Variants in DLEC1 observed in about 807,000 individuals in gnomAD.
DLEC1 encodes the protein DLEC1 cilia and flagella associated protein, also known as deleted in lung and esophageal cancer protein 1.
Under a neutral mutation model 198.1 loss-of-function variants are expected in DLEC1, and 146 were observed. The ratio of observed to expected loss-of-function variants is 0.74; its 90% confidence interval spans 0.64 to 0.85. The LOEUF is 0.85. DLEC1 is among the 40% of genes least tolerant of loss of function. DLEC1 has a pLI of 0.00. For synonymous variants in DLEC1, 897 were observed against 866.8 expected (o/e 1.03, Z -0.61); for missense variants, 2,233 against 2,220.0 (o/e 1.01, Z -0.12).
chr3:38,116,745 G>T, intron 28 of DLEC1, 28 bp from the exon 29 acceptor site: 1 of 1,608,590 alleles, frequency 6.2e-7, no homozygotes, highest in Non-Finnish European at 8.5e-7. Context: ...CAGTGACTGC[G>T]TGAACCTCAG....
At chr3:38,119,166 A>ATAATTAATGG (rs1293386101) in intron 33 of DLEC1, among the ~76,000 whole-genome samples, 1 of 152,192 alleles carries the variant, frequency 6.6e-6, no homozygotes, top group Non-Finnish European at 1.5e-5. Flanking sequence ...AGGACATCAC[A>ATAATTAATGG]TAATTAATGG....
In DLEC1 at chr3:38,100,328, T is replaced by G. The variant is rs1459901251; in HGVS notation, c.2767T>G (p.Ser923Ala). Residue 923 changes from serine (S) to alanine (A), a missense_variant, in exon 19 of 37, where the codon TCT becomes GCT. Coordinates refer to ENST00000308059, the MANE Select transcript of DLEC1 (RefSeq NM_007335.4). ...TGAGCCTTCGAGTGGCCAGCTTCAC[T>G]CTCTGGGGGAGTGCAGGGTGGACAT... Reference protein sequence around the residue: ...DIEPSSGQLHSLGECRVDITL... With the variant: ...DIEPSSGQLHALGECRVDITL... 1 of 1,613,410 alleles carries G rather than the reference T, an allele frequency of 6.2e-7. No individual in the cohort carries two copies. The highest frequency in any genetic ancestry group is 1.3e-5 in the African/African-American group (1 of 74,846).
rs1228234694 is a variant in DLEC1 at position 38,093,717 on chromosome 3, T to A, written c.1869T>A (p.Pro623=). The stretch of plus-strand genomic sequence containing the variant: ...CCCAGCACTTCATACGATTTGAGCC[T>A]GAAAACCTTCGGTCCACGGCTAGGA... The part of the protein sequence containing the change: ...LTAQHFIRFE[P]ENLRSTARKQ... Residue 623 remains proline (P), a synonymous_variant, in exon 12 of 37, where the codon CCT becomes CCA. Transcript: ENST00000308059. 2 of 1,614,252 alleles carry A rather than the reference T, an allele frequency of 1.2e-6. No homozygotes were observed. Among genetic ancestry groups the A allele is most frequent in the South Asian group, 2.2e-5 (2 of 91,088 alleles).
At position 38,116,888 on chromosome 3, in the gene DLEC1, T is replaced by G; in HGVS notation, c.4178T>G (p.Val1393Gly). ...GHLYCISPKQ[V>G]VVPAGGSSTI... ...CTGTACTGTATCAGCCCCAAGCAGGTGGTGAGTTGGGGTATGGGCTGGGAG... is the reference window on the plus strand; with the variant it reads ...CTGTACTGTATCAGCCCCAAGCAGGGGGTGAGTTGGGGTATGGGCTGGGAG... The change falls in exon 29 of 37, where the codon GTG becomes GGG. Residue 1393 changes from valine to glycine, a missense_variant and splice_region_variant. Physicochemically the swap from Val to Gly is moderately radical, Grantham distance 109 (BLOSUM62 -3). Coordinates refer to ENST00000308059, the MANE Select transcript of DLEC1 (RefSeq NM_007335.4). 1 of 1,612,702 alleles carries G rather than the reference T, an allele frequency of 6.2e-7. No homozygotes were observed.
chr3:38,117,123 G>C, intron 30 of DLEC1, 23 bp downstream of exon 30: 1 of 1,613,868 alleles, frequency 6.2e-7, no homozygotes. Context: ...GGCCTGGGGT[G>C]GGGGCCGCAG....
intron 22 of DLEC1, chr3:38,109,823 G>A (rs950614497): frequency 4.4e-5 from 31 of 708,174 alleles, no homozygotes; most frequent in Non-Finnish European, 5.9e-5. Flanking sequence ...GGACAGGGCT[G>A]TAGGTACCCT....
intron 33 of DLEC1, among the ~76,000 whole-genome samples, chr3:38,120,043 G>A (rs1202006824): frequency 6.6e-6 from 1 of 152,156 alleles, no homozygotes; most frequent in African/African-American, 2.4e-5. Flanking sequence ...CCCCTGGTCT[G>A]GCATCATCAC....
Position 38,094,961 on chromosome 3 carries a change from A to G in DLEC1, c.2002A>G (p.Ser668Gly), listed in dbSNP as rs532501700. 3 of 1,614,244 alleles carry G rather than the reference A, an allele frequency of 1.9e-6. No individual in the cohort carries two copies. The highest frequency in any genetic ancestry group is 2.7e-5 in the African/African-American group (2 of 75,068). Residue 668 changes from serine (S) to glycine (G), a missense_variant, in exon 13 of 37, where the codon AGC becomes GGC. Coordinates refer to ENST00000308059, the MANE Select transcript of DLEC1 (RefSeq NM_007335.4). ...LMPGETFSMDSIKCYPDKETA... is the reference protein window; with the variant it reads ...LMPGETFSMDGIKCYPDKETA... The stretch of plus-strand genomic sequence containing the variant: ...GCCTGGAGAAACCTTCAGCATGGAC[A>G]GCATCAAGTGCTACCCCGACAAGGA...
At chr3:38,115,853 A>G (rs748705445) in intron 27 of DLEC1, among the ~76,000 whole-genome samples, 1 of 151,980 alleles carries the variant, frequency 6.6e-6, no homozygotes. Context: ...AGAGAGAGCA[A>G]TGGGGAGCCC....
Position 38,117,798 on chromosome 3 carries a change from C to T in DLEC1, c.4486-8C>T, listed in dbSNP as rs764801502. 6.2e-7 allele frequency: 1 copy of T among 1,611,138 alleles called. No individual in the cohort carries two copies. The highest frequency in any genetic ancestry group is 8.5e-7 in the Non-Finnish European group (1 of 1,178,588). ...CATTCCCTGCCTCCTACCTCTGTGGCTGCCCAGGTGCTGAGTGAGCTGGTG... is the reference window on the plus strand; with the variant it reads ...CATTCCCTGCCTCCTACCTCTGTGGTTGCCCAGGTGCTGAGTGAGCTGGTG... On this transcript the variant is annotated splice_polypyrimidine_tract_variant and splice_region_variant and intron_variant, in intron 32 of 36. Coordinates refer to ENST00000308059, the MANE Select transcript of DLEC1 (RefSeq NM_007335.4).
intron 6 of DLEC1, among the ~76,000 whole-genome samples, chr3:38,081,363 A>T (rs1427915395): frequency 1.5e-5 from 2 of 133,322 alleles, no homozygotes; most frequent in African/African-American, 5.8e-5. Context: ...GGCCGGGCAG[A>T]GGGGCTCCTC....
chr3:38,057,904 C>T (rs1357771948), intron 2 of DLEC1, among the ~76,000 whole-genome samples: 1 of 151,634 alleles, frequency 6.6e-6, no homozygotes, highest in African/African-American at 2.4e-5. Flanking sequence ...GCAAACTCCA[C>T]CTCCTGGGTT....
chr3:38,081,055 A>G (rs1373416841), intron 6 of DLEC1, among the ~76,000 whole-genome samples: 3 of 135,494 alleles, frequency 2.2e-5, no homozygotes, highest in Non-Finnish European at 4.7e-5. Flanking sequence ...TGTTTAACAA[A>G]GCACATCTTG....
At chr3:38,121,601 T>G in intron 34 of DLEC1, 27 bp from the exon 35 acceptor site, 1 of 1,606,404 alleles carries the variant, frequency 6.2e-7, no homozygotes, top group Non-Finnish European at 8.5e-7. Flanking sequence ...CCACCCAGAA[T>G]GGACAAGGTT....
At chr3:38,082,229 A>G (rs1288772863) in intron 6 of DLEC1, among the ~76,000 whole-genome samples, 1 of 132,894 alleles carries the variant, frequency 7.5e-6, no homozygotes, top group East Asian at 2.4e-4. Flanking sequence ...CTCACTTCCT[A>G]GATGTGATGG....
intron 33 of DLEC1, 72 bp downstream of exon 33, chr3:38,118,096 GCCA>G: frequency 6.7e-7 from 1 of 1,496,868 alleles, no homozygotes; most frequent in South Asian, 1.3e-5. Context: ...ACCCCTGCAC[GCCA>G]CCCTCAGGTG....
Position 38,112,361 on chromosome 3 carries a change from G to A in DLEC1, c.3666G>A (p.Thr1222=), listed in dbSNP as rs148340688. 2.3e-5 allele frequency: 37 copies of A among 1,614,052 alleles called. No individual in the cohort carries two copies. The highest frequency in any genetic ancestry group is 3.1e-5 in the Non-Finnish European group (36 of 1,179,980). ...WGEYWDNLIC[T]VGDLLPEVIP... ...AGTACTGGGACAACCTCATCTGCAC[G>A]GTAAGGGTACACAAGAGGGCAGTGG... Residue 1222 remains threonine (T), a splice_region_variant and synonymous_variant, in exon 25 of 37, where the codon ACG becomes ACA. Transcript: ENST00000308059. The surrounding 1 kb of genome is among the most constrained non-coding windows in gnomAD (Gnocchi z 4.8).
At chr3:38,041,948 G>A (rs556704867) in intron 1 of DLEC1, among the ~76,000 whole-genome samples, 1 of 151,128 alleles carries the variant, frequency 6.6e-6, no homozygotes, top group African/African-American at 2.4e-5. Flanking sequence ...TTGTTAAAAA[G>A]AATGAATTAT....
intron 6 of DLEC1, among the ~76,000 whole-genome samples, chr3:38,073,633 A>G (rs765786600): frequency 6.6e-6 from 1 of 152,168 alleles, no homozygotes; most frequent in Non-Finnish European, 1.5e-5. Flanking sequence ...TCTCGGCCTA[A>G]TAAGGGAACT....
Sources: gnomAD v4.1 joint callset for allele counts (sites outside exome capture counted in the v4.1 genomes callset) on GRCh38, gnomAD v4.1.1 for gene constraint, Gnocchi (gnomAD v3.1) non-coding constraint, MANE v1.5 for transcripts, NCBI Gene and HGNC (gene_info 2026-07-23, HGNC 2026-07-21) for gene names.